Variants in TNRC6A observed in about 807,000 individuals in gnomAD.
The protein encoded by TNRC6A is trinucleotide repeat containing adaptor 6A, also known as trinucleotide repeat-containing gene 6A protein.
TNRC6A carries 44 observed loss-of-function variants against 221.2 expected under a neutral mutation model. That is an observed-to-expected ratio of 0.20 (90% CI 0.16 to 0.26). TNRC6A has a LOEUF of 0.26. Among genes scored for constraint, TNRC6A ranks in the 10% least tolerant of loss-of-function variants. TNRC6A has a pLI of 1.00. For synonymous variants in TNRC6A, 847 were observed against 838.5 expected (o/e 1.01, Z -0.18); for missense variants, 2,199 against 2,404.4 (o/e 0.91, Z 1.79).
intron 2 of TNRC6A, among the ~76,000 whole-genome samples, chr16:24,644,177 T>C (rs1902152659): frequency 7.0e-6 from 1 of 142,808 alleles, no homozygotes; most frequent in Non-Finnish European, 1.5e-5. Context: ...AGCTCTGCCT[T>C]CCGGATTCAC....
chr16:24,646,336 A>G (rs1902287031), intron 2 of TNRC6A, among the ~76,000 whole-genome samples: 1 of 152,194 alleles, frequency 6.6e-6, no homozygotes, highest in Non-Finnish European at 1.5e-5. Flanking sequence ...GACTCAACCA[A>G]TGAACATTGG....
intron 2 of TNRC6A, among the ~76,000 whole-genome samples, chr16:24,643,960 C>T (rs1401036288): frequency 2.6e-5 from 4 of 152,068 alleles, no homozygotes; most frequent in African/African-American, 9.7e-5. Flanking sequence ...GTGACTTAGA[C>T]AGCCCTCTTG....
intron 2 of TNRC6A, among the ~76,000 whole-genome samples, chr16:24,713,444 ACAAACAAAAAAAT>A (rs1226562249): frequency 2.1e-4 from 27 of 128,166 alleles, no homozygotes; most frequent in African/African-American, 7.1e-4. Flanking sequence ...AAACAAACAA[ACAAACAAAAAAAT>A]ATATATATAT....
chr16:24,729,834 T>C lies in TNRC6A; in HGVS notation c.-8T>C. 1 of 1,389,302 alleles carries C rather than the reference T, an allele frequency of 7.2e-7. No individual in the cohort carries two copies. Among genetic ancestry groups the C allele is most frequent in the Non-Finnish European group, 9.4e-7 (1 of 1,062,816 alleles). The allele number at this position is 1,389,302 out of a possible 1,614,324, so 86.1% of individuals were successfully genotyped here. A position where few individuals can be genotyped will look rare whatever the true frequency, so the allele number is the denominator to read the frequency against. ...GCCGCGCCCCACTTGCTCGTGCACTTTACACACATGAGGTGAGCGGAACAA... is the reference window on the plus strand; with the variant it reads ...GCCGCGCCCCACTTGCTCGTGCACTCTACACACATGAGGTGAGCGGAACAA... On this transcript the variant is annotated 5_prime_UTR_variant, in exon 1 of 25. Transcript: ENST00000395799.
At chr16:24,817,777 A>G (rs960582002) in intron 20 of TNRC6A, among the ~76,000 whole-genome samples, 1 of 152,212 alleles carries the variant, frequency 6.6e-6, no homozygotes, top group Non-Finnish European at 1.5e-5. Flanking sequence ...AGAGGTAACA[A>G]GCAGAGAAGA....
chr16:24,667,458 A>T (rs2055196364), intron 2 of TNRC6A, among the ~76,000 whole-genome samples: 1 of 152,206 alleles, frequency 6.6e-6, no homozygotes, highest in African/African-American at 2.4e-5. Flanking sequence ...GTCCAAGTAG[A>T]TCATAAGGCC....
intron 2 of TNRC6A, among the ~76,000 whole-genome samples, chr16:24,649,515 C>T (rs1902511766): frequency 6.6e-6 from 1 of 151,828 alleles, no homozygotes; most frequent in Admixed American, 6.6e-5. Flanking sequence ...CCCTATGTTG[C>T]CCAGGTTGGT....
chr16:24,784,709 A>G (rs1242133811), intron 5 of TNRC6A, among the ~76,000 whole-genome samples: 1 of 152,220 alleles, frequency 6.6e-6, no homozygotes, highest in Non-Finnish European at 1.5e-5. Context: ...AATAATCTTT[A>G]GGTTTTGATC....
intron 2 of TNRC6A, among the ~76,000 whole-genome samples, chr16:24,673,097 C>G (rs2055339805): frequency 6.6e-6 from 1 of 151,978 alleles, no homozygotes; most frequent in South Asian, 2.1e-4. Context: ...CCCAGCTACT[C>G]AGGAGGCAGA....
intron 2 of TNRC6A, among the ~76,000 whole-genome samples, chr16:24,687,582 G>A (rs8049014): frequency 0.83 from 125,734 of 152,056 alleles, 52,554 homozygotes; most frequent in African/African-American, 0.95. Flanking sequence ...TGAGTCCAGA[G>A]GTTCAACATT....
intron 2 of TNRC6A, among the ~76,000 whole-genome samples, chr16:24,741,145 C>CA (rs1175025311): frequency 6.6e-6 from 1 of 152,176 alleles, no homozygotes; most frequent in Non-Finnish European, 1.5e-5. Context: ...TGCTTACTCA[C>CA]ACACGCACTC....
At chr16:24,612,281 G>A (rs377482357) in intron 1 of TNRC6A, among the ~76,000 whole-genome samples, 2 of 152,116 alleles carry the variant, frequency 1.3e-5, no homozygotes, top group South Asian at 2.1e-4. Flanking sequence ...CGAGTGACTC[G>A]ATGACAGGGT....
chr16:24,696,902 C>T (rs373679854), intron 2 of TNRC6A, among the ~76,000 whole-genome samples: 42 of 151,844 alleles, frequency 2.8e-4, no homozygotes, highest in East Asian at 1.2e-3. Context: ...ATGTGATGAC[C>T]GGAGCTGAAG....
At chr16:24,744,275 G>T (rs957733917) in intron 2 of TNRC6A, among the ~76,000 whole-genome samples, 2 of 152,146 alleles carry the variant, frequency 1.3e-5, no homozygotes, top group African/African-American at 4.8e-5. Flanking sequence ...CTTGGGTGAG[G>T]TGGTCTCTGT....
At chr16:24,717,777 T>C (rs936947824) in intron 2 of TNRC6A, among the ~76,000 whole-genome samples, 14 of 146,958 alleles carry the variant, frequency 9.5e-5, no homozygotes, top group African/African-American at 3.5e-4. Flanking sequence ...TTTCTTTTTT[T>C]TTTTTTTTTT....
At chr16:24,755,454 A>C (rs1394207702) in intron 3 of TNRC6A, among the ~76,000 whole-genome samples, 1 of 152,232 alleles carries the variant, frequency 6.6e-6, no homozygotes, top group African/African-American at 2.4e-5. Flanking sequence ...AATGCTTTCT[A>C]TATGTCAGGC....
In TNRC6A at chr16:24,797,532, A is replaced by C. The variant is rs892989813; in HGVS notation, c.3604A>C (p.Asn1202His). The C allele has an allele frequency of 3.1e-6, 5 of 1,612,252 alleles. No homozygotes were observed. Among genetic ancestry groups the C allele is most frequent in the Non-Finnish European group, 4.2e-6 (5 of 1,179,536 alleles). The part of the protein sequence containing the change: ...GGNKQEEAWI[N>H]PFVKQFSNIS... Reference sequence around the variant, plus strand: ...AAACAAACAAGAAGAAGCGTGGATAAATCCATTTGTTAAACAGTTTTCAAA... The same window carrying C: ...AAACAAACAAGAAGAAGCGTGGATACATCCATTTGTTAAACAGTTTTCAAA... The change falls in exon 10 of 25, where the codon AAT becomes CAT. Residue 1202 changes from asparagine to histidine, a missense_variant. By Grantham distance (68) the Asn-to-His change is moderately conservative. Transcript: ENST00000395799.
At chr16:24,612,365 C>T (rs1596531408) in intron 1 of TNRC6A, among the ~76,000 whole-genome samples, 1 of 152,230 alleles carries the variant, frequency 6.6e-6, no homozygotes. Context: ...TGCTTAAGGG[C>T]ACTCAGCTAA....
At chr16:24,621,484 G>A (rs1174583808) in intron 1 of TNRC6A, among the ~76,000 whole-genome samples, 4 of 150,418 alleles carry the variant, frequency 2.7e-5, no homozygotes, top group African/African-American at 9.8e-5. Context: ...TCGGCCTCCC[G>A]AGTGGCTGGA....
Sources: gnomAD v4.1 joint callset for allele counts (sites outside exome capture counted in the v4.1 genomes callset) on GRCh38, gnomAD v4.1.1 for gene constraint, MANE v1.5 for transcripts, NCBI Gene and HGNC (gene_info 2026-07-23, HGNC 2026-07-21) for gene names.